Variants in ERC2 observed in about 807,000 individuals in gnomAD.
The protein encoded by ERC2 is ELKS/RAB6-interacting/CAST family member 2.
ERC2 carries 42 observed loss-of-function variants against 114.8 expected under a neutral mutation model. The observed-to-expected ratio is 0.37, with a 90% CI of 0.29 to 0.47. The LOEUF (loss-of-function observed/expected upper bound fraction) is 0.47. Ranked by LOEUF, ERC2 falls within the 20% of genes least tolerant of loss-of-function variation. The pLI, the probability that ERC2 is intolerant of heterozygous loss-of-function variation, is 0.99. For synonymous variants in ERC2, 454 were observed against 425.5 expected (o/e 1.07, Z -0.82); for missense variants, 939 against 1,150.7 (o/e 0.82, Z 2.66).
intron 17 of ERC2, among the ~76,000 whole-genome samples, chr3:55,668,023 G>A (rs944979451): frequency 2.0e-5 from 3 of 152,064 alleles, no homozygotes; most frequent in Admixed American, 6.5e-5. Context: ...CCAGCCCCTA[G>A]TTGTGACAAC....
chr3:55,899,140 T>C (rs543839479), intron 13 of ERC2, among the ~76,000 whole-genome samples: 1 of 152,388 alleles, frequency 6.6e-6, no homozygotes, highest in Admixed American at 6.5e-5. Flanking sequence ...CACAACTTTG[T>C]TGTCCAATGG....
intron 6 of ERC2, among the ~76,000 whole-genome samples, chr3:56,102,515 C>G (rs946518667): frequency 1.4e-4 from 22 of 152,132 alleles, no homozygotes; most frequent in African/African-American, 5.3e-4. Flanking sequence ...CTCTACTAAA[C>G]ACAGCAGAGT....
chr3:55,640,193 G>C (rs1412465845), intron 17 of ERC2, among the ~76,000 whole-genome samples: 2 of 152,174 alleles, frequency 1.3e-5, no homozygotes, highest in Non-Finnish European at 2.9e-5. Flanking sequence ...AACTAACTTG[G>C]ACTTCCTGCT....
chr3:55,939,599 G>C (rs901585464), intron 13 of ERC2, among the ~76,000 whole-genome samples: 1 of 152,172 alleles, frequency 6.6e-6, no homozygotes, highest in African/African-American at 2.4e-5. Context: ...CCATCACTCT[G>C]ATAAACATGT....
intron 16 of ERC2, 99 bp from the exon 17 acceptor site, chr3:55,683,958 A>T (rs2062191677): frequency 7.9e-7 from 1 of 1,273,494 alleles, no homozygotes; most frequent in East Asian, 2.5e-5. Flanking sequence ...GGAAAGGCAC[A>T]CTAATCTTCA....
chr3:56,359,915 T>C (rs1420563340), intron 2 of ERC2, among the ~76,000 whole-genome samples: 2 of 152,112 alleles, frequency 1.3e-5, no homozygotes. Context: ...CATGACAGAT[T>C]TGCCTCCACA....
intron 17 of ERC2, among the ~76,000 whole-genome samples, chr3:55,675,410 G>A (rs761567055): frequency 6.6e-6 from 1 of 152,186 alleles, no homozygotes; most frequent in African/African-American, 2.4e-5. Flanking sequence ...ACAGAGTTAA[G>A]GTACGTCTTG....
chr3:56,295,830 C>T (rs1036340745), intron 3 of ERC2, among the ~76,000 whole-genome samples, 189 bp downstream of exon 3: 5 of 152,150 alleles, frequency 3.3e-5, no homozygotes, highest in African/African-American at 1.2e-4. Context: ...TAATGGAATG[C>T]ATGTGCAGTG....
intron 17 of ERC2, among the ~76,000 whole-genome samples, chr3:55,661,448 C>T (rs536918449): frequency 1.3e-5 from 2 of 152,266 alleles, no homozygotes; most frequent in South Asian, 2.1e-4. Context: ...CTCGTCTCTC[C>T]TCTCCTCCCC....
intron 6 of ERC2, among the ~76,000 whole-genome samples, chr3:56,132,785 A>C (rs1373416582): frequency 6.6e-6 from 1 of 152,248 alleles, no homozygotes; most frequent in African/African-American, 2.4e-5. Context: ...CATAGTGTGC[A>C]TGCATATATG....
chr3:55,864,158 C>CAT (rs780686057), intron 14 of ERC2, among the ~76,000 whole-genome samples: 1,962 of 112,750 alleles, frequency 0.017, 53 homozygotes, highest in African/African-American at 0.063. Flanking sequence ...TATATATACA[C>CAT]ATATATATAC....
At chr3:55,846,904 T>A (rs1397055959) in intron 14 of ERC2, among the ~76,000 whole-genome samples, 1 of 152,188 alleles carries the variant, frequency 6.6e-6, no homozygotes, top group Non-Finnish European at 1.5e-5. Flanking sequence ...AAAGCACAAG[T>A]GAGCAAGTTC....
chr3:55,702,736 A>T (rs796437193), intron 15 of ERC2, among the ~76,000 whole-genome samples: 2 of 152,194 alleles, frequency 1.3e-5, no homozygotes, highest in South Asian at 4.1e-4. Context: ...CCAACTTACC[A>T]GGTGATCCCA....
At chr3:56,311,875 T>C (rs1335279660) in intron 2 of ERC2, among the ~76,000 whole-genome samples, 1 of 150,468 alleles carries the variant, frequency 6.6e-6, no homozygotes, top group African/African-American at 2.4e-5. Context: ...TTATATACAA[T>C]TGGCTCTCCA....
chr3:55,952,179 A>AATATATATATAT (rs2067608452), intron 12 of ERC2, among the ~76,000 whole-genome samples: 2 of 62,110 alleles, frequency 3.2e-5, no homozygotes, highest in East Asian at 4.2e-4. Flanking sequence ...ACACACACAC[A>AATATATATATAT]CTCTCTCTCT....
intron 17 of ERC2, among the ~76,000 whole-genome samples, chr3:55,568,035 G>A (rs1204255320): frequency 6.6e-6 from 1 of 152,134 alleles, no homozygotes; most frequent in Non-Finnish European, 1.5e-5. Context: ...CTTCTCTTCA[G>A]CTGCCTTGGC....
chr3:55,801,390 G>A (rs1450587548), intron 14 of ERC2, among the ~76,000 whole-genome samples: 2 of 152,176 alleles, frequency 1.3e-5, no homozygotes, highest in Non-Finnish European at 2.9e-5. Flanking sequence ...GGAGAAAGAG[G>A]TCCAAGAGGG....
intron 3 of ERC2, among the ~76,000 whole-genome samples, chr3:56,181,045 T>C (rs1407761298): frequency 6.6e-6 from 1 of 152,222 alleles, no homozygotes; most frequent in Non-Finnish European, 1.5e-5. Flanking sequence ...TGCACAAAGC[T>C]TTTTTGCATT....
At chr3:56,127,496 G>A (rs896583620) in intron 6 of ERC2, among the ~76,000 whole-genome samples, 4 of 152,184 alleles carry the variant, frequency 2.6e-5, no homozygotes, top group African/African-American at 9.7e-5. Flanking sequence ...GGGAGGCTGA[G>A]GCAGGCAGAT....
Sources: gnomAD v4.1 joint callset for allele counts (sites outside exome capture counted in the v4.1 genomes callset) on GRCh38, gnomAD v4.1.1 for gene constraint, MANE v1.5 for transcripts, NCBI Gene and HGNC (gene_info 2026-07-23, HGNC 2026-07-21) for gene names.